The following GPR158 variants were observed in gnomAD, a reference collection of about 807,000 sequenced individuals.
GPR158 encodes the protein metabotropic glycine receptor.
Under a neutral mutation model 78.2 loss-of-function variants are expected in GPR158, and 30 were observed. The ratio of observed to expected loss-of-function variants is 0.38; its 90% CI spans 0.29 to 0.52. GPR158 has a LOEUF of 0.52. Among genes scored for constraint, GPR158 ranks in the 20% least tolerant of loss-of-function variants. GPR158 has a pLI of 0.83. For synonymous variants in GPR158, 581 were observed against 591.1 expected (o/e 0.98, Z 0.25); for missense variants, 1,463 against 1,523.5 (o/e 0.96, Z 0.66).
At chr10:25,287,816 T>G (rs999105292) in intron 2 of GPR158, among the ~76,000 whole-genome samples, 3 of 152,122 alleles carry the variant, frequency 2.0e-5, no homozygotes, top group African/African-American at 7.2e-5. Flanking sequence ...TATTGGCTAT[T>G]TTTATTGTAT....
chr10:25,298,513 A>G (rs1386630114), intron 2 of GPR158, among the ~76,000 whole-genome samples: 1 of 152,184 alleles, frequency 6.6e-6, no homozygotes, highest in African/African-American at 2.4e-5. Context: ...GGTGCTTTTG[A>G]TTCTCTTTAA....
chr10:25,353,251 T>C (rs1219737484), intron 2 of GPR158, among the ~76,000 whole-genome samples: 1 of 152,066 alleles, frequency 6.6e-6, no homozygotes, highest in East Asian at 1.9e-4. Context: ...AACATTTCTG[T>C]AGCACTTGGT....
intron 2 of GPR158, among the ~76,000 whole-genome samples, chr10:25,254,748 G>A (rs572810759): frequency 7.2e-5 from 11 of 152,270 alleles, no homozygotes; most frequent in African/African-American, 2.2e-4. Context: ...ATTGGAGACT[G>A]AAACTTCTTT....
intron 9 of GPR158, 31 bp from the exon 10 acceptor site, chr10:25,596,612 A>T: frequency 1.3e-6 from 2 of 1,579,998 alleles, no homozygotes; most frequent in Non-Finnish European, 1.7e-6. Flanking sequence ...CAGTGAGCTA[A>T]TGTCTACTGC....
intron 2 of GPR158, among the ~76,000 whole-genome samples, chr10:25,337,911 T>G (rs1233943386): frequency 6.6e-6 from 1 of 152,074 alleles, no homozygotes; most frequent in East Asian, 1.9e-4. Context: ...ATATGTTTAC[T>G]GGTCATTTGG....
intron 2 of GPR158, among the ~76,000 whole-genome samples, chr10:25,348,519 G>A (rs888944087): frequency 6.6e-6 from 1 of 151,294 alleles, no homozygotes; most frequent in Non-Finnish European, 1.5e-5. Flanking sequence ...GCACTAAGAA[G>A]CTACAAATAG....
chr10:25,374,365 A>T (rs1019691463), intron 2 of GPR158, among the ~76,000 whole-genome samples: 4 of 151,638 alleles, frequency 2.6e-5, no homozygotes, highest in Non-Finnish European at 5.9e-5. Context: ...ACTGTGGTAT[A>T]ATATCAAAAC....
intron 1 of GPR158, among the ~76,000 whole-genome samples, chr10:25,204,875 G>A (rs1036751185): frequency 2.2e-4 from 31 of 144,050 alleles, no homozygotes; most frequent in Non-Finnish European, 4.5e-5. Context: ...CCCTGATATG[G>A]TTTGGCTGTG....
intron 5 of GPR158, among the ~76,000 whole-genome samples, chr10:25,521,147 CT>C (rs1341849303): frequency 6.6e-6 from 1 of 152,232 alleles, no homozygotes; most frequent in Non-Finnish European, 1.5e-5. Context: ...TCCGTCACCC[CT>C]TTCTTTGACT....
intron 2 of GPR158, among the ~76,000 whole-genome samples, chr10:25,285,092 A>G (rs370710230): frequency 0.019 from 1,627 of 87,662 alleles, 21 homozygotes; most frequent in South Asian, 0.087. Flanking sequence ...GTGTGTGTGT[A>G]TGCATGTGCA....
intron 4 of GPR158, among the ~76,000 whole-genome samples, chr10:25,453,372 T>G (rs1835247999): frequency 6.6e-6 from 1 of 152,184 alleles, no homozygotes; most frequent in African/African-American, 2.4e-5. Context: ...TTCCTCCATA[T>G]CTTTTCTAAT....
chr10:25,409,918 T>C (rs143288022), intron 3 of GPR158, among the ~76,000 whole-genome samples: 1 of 152,372 alleles, frequency 6.6e-6, no homozygotes, highest in Non-Finnish European at 1.5e-5. Context: ...TCTTATTACT[T>C]ATTTAGTACT....
chr10:25,268,816 G>C (rs920129637), intron 2 of GPR158, among the ~76,000 whole-genome samples: 2 of 152,142 alleles, frequency 1.3e-5, no homozygotes, highest in Non-Finnish European at 2.9e-5. Context: ...AAATGTCATT[G>C]CTATCCAGCA....
intron 2 of GPR158, among the ~76,000 whole-genome samples, chr10:25,371,876 A>G (rs1037849463): frequency 6.7e-5 from 9 of 133,634 alleles, no homozygotes; most frequent in African/African-American, 1.4e-4. Flanking sequence ...TAAACTAAAG[A>G]GCTTCTGCAC....
intron 1 of GPR158, among the ~76,000 whole-genome samples, chr10:25,184,079 A>G (rs1852649722): frequency 6.6e-6 from 1 of 152,236 alleles, no homozygotes; most frequent in Admixed American, 6.5e-5. Context: ...TGGGAAAATA[A>G]ATTCCAGGGT....
chr10:25,278,071 A>T (rs148054467), intron 2 of GPR158, among the ~76,000 whole-genome samples: 30 of 152,292 alleles, frequency 2.0e-4, no homozygotes, highest in African/African-American at 7.0e-4. Flanking sequence ...TTAGCCAAAT[A>T]ATATGTGATG....
rs16925944 is a variant in GPR158 at position 25,485,000 on chromosome 10, C to G, written c.1404+18281C>G. Among the ~76,000 whole-genome samples, 121 of 151,746 alleles carry G rather than the reference C, an allele frequency of 8.0e-4. 3 individuals are homozygous for G. The South Asian group carries it at 0.024, about 30-fold the overall frequency. On this transcript the variant is annotated intron_variant, in intron 5 of 10. Coordinates refer to ENST00000376351, the MANE Select transcript of GPR158 (RefSeq NM_020752.3). ...ATTGTCAGACATCTCTATTAGCAGA[C>G]GACTAATACTGTGATGTCTACGTTT...
At chr10:25,348,771 G>C (rs1855412109) in intron 2 of GPR158, among the ~76,000 whole-genome samples, 1 of 151,932 alleles carries the variant, frequency 6.6e-6, no homozygotes, top group Non-Finnish European at 1.5e-5. Context: ...TATAGAATTG[G>C]GAAACTAGTA....
chr10:25,485,073 A>G (rs867039347), intron 5 of GPR158, among the ~76,000 whole-genome samples: 2 of 152,132 alleles, frequency 1.3e-5, no homozygotes, highest in South Asian at 4.1e-4. Context: ...AATATGCGAA[A>G]TACCTAGAGA....
Sources: gnomAD v4.1 joint callset for allele counts (sites outside exome capture counted in the v4.1 genomes callset) on GRCh38, gnomAD v4.1.1 for gene constraint, MANE v1.5 for transcripts, NCBI Gene and HGNC (gene_info 2026-07-23, HGNC 2026-07-21) for gene names.